Variants in ADCY3 observed in about 807,000 individuals in gnomAD.
ADCY3 encodes the protein adenylate cyclase type 3.
In ADCY3, 70 loss-of-function variants were observed where a neutral mutation model predicts 119.4. The ratio of observed to expected loss-of-function variants is 0.59; its 90% CI spans 0.48 to 0.72. ADCY3 has a LOEUF of 0.72. Ranked by LOEUF, ADCY3 falls within the 30% of genes least tolerant of loss-of-function variation. ADCY3 has a pLI of 0.00. For synonymous variants in ADCY3, 672 were observed against 621.4 expected, an observed-to-expected ratio of 1.08 and a Z score of -1.21; for missense variants, 1,238 against 1,541.6, an observed-to-expected ratio of 0.80 and a Z score of 3.30.
At chr2:24,887,028 G>A (rs1430045223) in intron 2 of ADCY3, among the ~76,000 whole-genome samples, 1 of 152,194 alleles carries the variant, frequency 6.6e-6, no homozygotes. Flanking sequence ...GTCCGTTTTT[G>A]TACTGCTATA....
intron 3 of ADCY3, among the ~76,000 whole-genome samples, chr2:24,856,965 T>C (rs1673069765): frequency 6.6e-6 from 1 of 152,198 alleles, no homozygotes; most frequent in African/African-American, 2.4e-5. Flanking sequence ...GCCTCCAGCA[T>C]GAGAACAGGC....
intron 21 of ADCY3, 115 bp downstream of exon 21, chr2:24,820,609 C>T: frequency 5.2e-6 from 8 of 1,535,182 alleles, no homozygotes. Context: ...ACGTCTCTGC[C>T]TCTGGACTTA....
chr2:24,848,333 C>T (rs570009662), intron 3 of ADCY3, among the ~76,000 whole-genome samples: 52 of 152,332 alleles, frequency 3.4e-4, no homozygotes, highest in African/African-American at 1.1e-3. Context: ...TCCTTTAATT[C>T]GGCCCATCCC....
At chr2:24,854,904 G>T (rs1232553627) in intron 3 of ADCY3, among the ~76,000 whole-genome samples, 1 of 152,064 alleles carries the variant, frequency 6.6e-6, no homozygotes, top group Non-Finnish European at 1.5e-5. Flanking sequence ...ACAAAAATTA[G>T]CAGGGCTTCG....
rs1664867306 is a variant in ADCY3 at position 24,919,551 on chromosome 2, T to C, written c.-198+132A>G. On this transcript the variant is annotated intron_variant, in intron 1 of 21. Transcript: ENST00000679454. This position sits in a 1 kb window ranked among gnomAD's most constrained non-coding sequence, Gnocchi z 5.5. ...AAGAAATCAGGACCATCGTGGGGGA[T>C]TCCTGAGCCTTCCTTCTGTTTACTT... 2.0e-5 allele frequency: 3 copies of C among 153,096 alleles called. No individual in the cohort carries two copies. In the South Asian group the frequency reaches 6.2e-4, roughly 32 times the overall value. 9.5% of individuals were successfully genotyped at this position (153,096 alleles called of 1,614,324 possible). A position where few individuals can be genotyped will look rare whatever the true frequency, so the allele number is the denominator to read the frequency against.
intron 9 of ADCY3, among the ~76,000 whole-genome samples, chr2:24,835,440 C>G (rs1242688199): frequency 6.6e-6 from 1 of 152,190 alleles, no homozygotes; most frequent in Non-Finnish European, 1.5e-5. Context: ...AGAAGAATGT[C>G]CTCATCACTA....
chr2:24,879,900 T>A (rs1676187887), intron 2 of ADCY3, among the ~76,000 whole-genome samples: 1 of 152,072 alleles, frequency 6.6e-6, no homozygotes, highest in South Asian at 2.1e-4. Flanking sequence ...TCTGGGCAGG[T>A]GGGAAGGAGG....
intron 2 of ADCY3, among the ~76,000 whole-genome samples, chr2:24,873,031 A>T (rs954678688): frequency 6.6e-6 from 1 of 152,296 alleles, no homozygotes; most frequent in South Asian, 2.1e-4. Context: ...GCTTCCCAAC[A>T]AAGCAAGGCT....
chr2:24,822,956 A>G (rs1281941938), intron 18 of ADCY3, among the ~76,000 whole-genome samples: 1 of 152,204 alleles, frequency 6.6e-6, no homozygotes, highest in Non-Finnish European at 1.5e-5. Context: ...GTCCCAGGAC[A>G]GAGAGGTCTC....
chr2:24,863,150 GA>G (rs1673882535), intron 3 of ADCY3, among the ~76,000 whole-genome samples: 1 of 152,208 alleles, frequency 6.6e-6, no homozygotes, highest in South Asian at 2.1e-4. Flanking sequence ...TGGATTGAAG[GA>G]TACAAAGTAT....
At chr2:24,820,346 T>G in intron 21 of ADCY3, 1 of 1,334,638 alleles carries the variant, frequency 7.5e-7, no homozygotes, top group African/African-American at 1.5e-5. Context: ...ACTTCTCTCC[T>G]AGGATGGCCA....
intron 3 of ADCY3, among the ~76,000 whole-genome samples, chr2:24,870,552 C>T (rs373897675): frequency 2.0e-5 from 3 of 152,174 alleles, no homozygotes; most frequent in East Asian, 3.9e-4. Flanking sequence ...CTCCCTTCCA[C>T]CTAACCTGGA....
intron 2 of ADCY3, among the ~76,000 whole-genome samples, chr2:24,890,202 T>C (rs1677509882): frequency 6.6e-6 from 1 of 152,344 alleles, no homozygotes; most frequent in South Asian, 2.1e-4. Flanking sequence ...TTATTCTTTT[T>C]ATATATTTCC....
chr2:24,854,385 G>A (rs1672761516), intron 3 of ADCY3, among the ~76,000 whole-genome samples: 1 of 152,224 alleles, frequency 6.6e-6, no homozygotes, highest in Non-Finnish European at 1.5e-5. Context: ...CTGGGGTTAG[G>A]CTGCAAAGGC....
intron 3 of ADCY3, among the ~76,000 whole-genome samples, chr2:24,865,489 C>CTGTGTGTGTGTGTGTG (rs3222240): frequency 2.8e-5 from 4 of 140,428 alleles, no homozygotes; most frequent in Non-Finnish European, 4.7e-5. Flanking sequence ...AGGCTATCAT[C>CTGTGTGTGTGTGTGTG]TGTGTGTGTG....
chr2:24,849,440 G>A (rs111920787), intron 3 of ADCY3, among the ~76,000 whole-genome samples: 2,805 of 152,266 alleles, frequency 0.018, 78 homozygotes, highest in African/African-American at 0.064. Flanking sequence ...TGAGTGAAGC[G>A]GCCGTGAGCT....
chr2:24,825,340 GGGGGGGGGTGC>G lies in ADCY3; in HGVS notation c.2577+694_2577+704del, dbSNP rs1409110476. ...TTGAGTGCGGTGGTTGTGGCGGGGG[GGGGGGGGGTGC>G]GGGGGGGGTGTCTCACTTTGTCACC... On this transcript the variant is annotated intron_variant, in intron 16 of 21. Transcript: ENST00000679454. Among the ~76,000 whole-genome samples, 70 of 20,024 alleles carry G rather than the reference GGGGGGGGGTGC, an allele frequency of 3.5e-3. 1 individual carries two copies. The highest frequency in any genetic ancestry group is 0.026 in the South Asian group (7 of 268). 13.1% of individuals were successfully genotyped at this position (20,024 alleles called of 152,430 possible). A position where few individuals can be genotyped will look rare whatever the true frequency, so the allele number is the denominator to read the frequency against.
chr2:24,837,130 G>A (rs1670415572), intron 8 of ADCY3, 85 bp from the exon 9 acceptor site: 1 of 1,473,724 alleles, frequency 6.8e-7, no homozygotes, highest in Non-Finnish European at 9.2e-7. Flanking sequence ...GGCGTGGGAG[G>A]CGGTGGGATT....
In ADCY3 at chr2:24,823,248, ACACT is replaced by A; in HGVS notation, c.2840_2843del (p.Glu947ValfsTer23). 6.2e-7 allele frequency: 1 copy of A among 1,613,498 alleles called. No individual in the cohort carries two copies. Among genetic ancestry groups the A allele is most frequent in the Non-Finnish European group, 8.5e-7 (1 of 1,179,918 alleles). On this transcript the variant is annotated frameshift_variant, in exon 18 of 22. Coordinates refer to ENST00000679454, the MANE Select transcript of ADCY3 (RefSeq NM_004036.5). LOFTEE classifies it high-confidence loss of function. ...AGATGATTTCATTGAGGAAACGCAG[ACACT>A]CAATACCACCATTGTTGATGCTCTC...
Sources: gnomAD v4.1 joint callset for allele counts (sites outside exome capture counted in the v4.1 genomes callset) on GRCh38, gnomAD v4.1.1 for gene constraint, Gnocchi (gnomAD v3.1) non-coding constraint, MANE v1.5 for transcripts, NCBI Gene and HGNC (gene_info 2026-07-23, HGNC 2026-07-21) for gene names.